The following PTPRG variants were observed in gnomAD, a reference collection of about 807,000 sequenced individuals.
PTPRG encodes the protein protein tyrosine phosphatase receptor type G, also known as receptor-type tyrosine-protein phosphatase gamma.
PTPRG carries 102 observed loss-of-function variants against 165.3 expected under a neutral mutation model. That is an observed-to-expected ratio of 0.62 (90% CI 0.53 to 0.73). The LOEUF is 0.73. Ranked by LOEUF, PTPRG falls within the 30% of genes least tolerant of loss-of-function variation. PTPRG has a pLI of 0.00. For synonymous variants in PTPRG, 675 were observed against 669.5 expected, an observed-to-expected ratio of 1.01 and a Z score of -0.13; for missense variants, 1,866 against 1,861.4, an observed-to-expected ratio of 1.00 and a Z score of -0.05.
chr3:62,163,791 G>A (rs544143322), intron 7 of PTPRG, among the ~76,000 whole-genome samples: 7 of 152,198 alleles, frequency 4.6e-5, no homozygotes, highest in Non-Finnish European at 7.3e-5. Flanking sequence ...ACAGGAAATA[G>A]GTAATGCTGT....
At chr3:61,922,841 A>G (rs892032000) in intron 2 of PTPRG, among the ~76,000 whole-genome samples, 1 of 152,180 alleles carries the variant, frequency 6.6e-6, no homozygotes, top group Non-Finnish European at 1.5e-5. Flanking sequence ...GAGTTTAGCC[A>G]TGTTGCCGAG....
At chr3:61,772,188 A>T (rs2034231294) in intron 2 of PTPRG, among the ~76,000 whole-genome samples, 2 of 151,846 alleles carry the variant, frequency 1.3e-5, no homozygotes, top group African/African-American at 4.8e-5. Flanking sequence ...CTGGGAAATT[A>T]TACAGTTGAG....
At chr3:62,164,819 C>T (rs535564974) in intron 7 of PTPRG, among the ~76,000 whole-genome samples, 1 of 152,310 alleles carries the variant, frequency 6.6e-6, no homozygotes, top group African/African-American at 2.4e-5. Flanking sequence ...TTAATGCTGG[C>T]TCTGAAAGAA....
chr3:62,138,822 TAAG>T (rs1202800154), intron 6 of PTPRG, among the ~76,000 whole-genome samples: 1 of 152,220 alleles, frequency 6.6e-6, no homozygotes, highest in African/African-American at 2.4e-5. Context: ...CTGTGTCAGT[TAAG>T]AGGTGTGTGT....
At chr3:61,971,568 G>A (rs886579359) in intron 2 of PTPRG, among the ~76,000 whole-genome samples, 3 of 152,188 alleles carry the variant, frequency 2.0e-5, no homozygotes, top group Non-Finnish European at 4.4e-5. Flanking sequence ...GGAAATTAGA[G>A]GTTGATGAGT....
intron 1 of PTPRG, among the ~76,000 whole-genome samples, chr3:61,724,568 T>C (rs2032181098): frequency 6.6e-6 from 1 of 152,088 alleles, no homozygotes; most frequent in Admixed American, 6.5e-5. Context: ...ACTGCCAGGC[T>C]CTTCCAGAGT....
At chr3:62,116,897 C>G (rs1702887339) in intron 5 of PTPRG, among the ~76,000 whole-genome samples, 1 of 152,196 alleles carries the variant, frequency 6.6e-6, no homozygotes, top group Non-Finnish European at 1.5e-5. Flanking sequence ...AGTCACCCAG[C>G]TTACAAGTGG....
Position 62,010,073 on chromosome 3 carries a change from G to A in PTPRG, c.519+6576G>A, listed in dbSNP as rs575930161. ...GCTGGGGCTACAACCACACACCACC[G>A]TGCCCAGCTAATGTTTTTTATTTTT... On this transcript the variant is annotated intron_variant, in intron 4 of 29. Coordinates refer to ENST00000474889, the MANE Select transcript of PTPRG (RefSeq NM_002841.4). Among the ~76,000 whole-genome samples, 645 of 152,010 alleles carry A rather than the reference G, an allele frequency of 4.2e-3. 2 individuals are homozygous for A. Among genetic ancestry groups the A allele is most frequent in the Middle Eastern group, 0.031 (9 of 294 alleles).
chr3:62,147,891 C>A (rs755280175), intron 6 of PTPRG, among the ~76,000 whole-genome samples: 15 of 152,130 alleles, frequency 9.9e-5, no homozygotes, highest in Non-Finnish European at 1.8e-4. Flanking sequence ...CGTGGTGGCT[C>A]ACGCCTGTAA....
chr3:61,940,706 C>G (rs935113673), intron 2 of PTPRG, among the ~76,000 whole-genome samples: 1 of 150,616 alleles, frequency 6.6e-6, no homozygotes, highest in Non-Finnish European at 1.5e-5. Context: ...CTCTGTTGGC[C>G]AGGCTGGAGT....
chr3:61,628,843 A>G (rs1291964655), intron 1 of PTPRG, among the ~76,000 whole-genome samples: 1 of 152,184 alleles, frequency 6.6e-6, no homozygotes, highest in African/African-American at 2.4e-5. Context: ...TTTGCAAGGA[A>G]GGAAAGGAAA....
chr3:61,888,199 TTGTGTGTG>T (rs58409759), intron 2 of PTPRG, among the ~76,000 whole-genome samples: 15 of 150,146 alleles, frequency 1.0e-4, no homozygotes, highest in South Asian at 2.1e-4. Context: ...TTTTAAATCT[TTGTGTGTG>T]TGTGTGTGTG....
chr3:62,285,879 A>G (rs1225407422), intron 28 of PTPRG, among the ~76,000 whole-genome samples: 1 of 151,914 alleles, frequency 6.6e-6, no homozygotes, highest in Admixed American at 6.6e-5. Flanking sequence ...TTAATTACTC[A>G]CTCTGGAGAT....
chr3:61,665,640 CTAGTGAGACCT>C (rs543746629), intron 1 of PTPRG, among the ~76,000 whole-genome samples: 1 of 152,026 alleles, frequency 6.6e-6, no homozygotes, highest in East Asian at 1.9e-4. Context: ...GCTAGGCAAC[CTAGTGAGACCT>C]TATCTGTATT....
At chr3:61,912,411 T>A (rs1489817696) in intron 2 of PTPRG, among the ~76,000 whole-genome samples, 1 of 152,202 alleles carries the variant, frequency 6.6e-6, no homozygotes, top group Non-Finnish European at 1.5e-5. Flanking sequence ...GGATTTGCAT[T>A]CTGTAGTGTC....
intron 1 of PTPRG, among the ~76,000 whole-genome samples, chr3:61,570,558 G>C (rs756195767): frequency 6.6e-6 from 1 of 152,154 alleles, no homozygotes; most frequent in Non-Finnish European, 1.5e-5. Flanking sequence ...ATTCATACTA[G>C]TTACAATATA....
chr3:62,147,925 C>T (rs1704182430), intron 6 of PTPRG, among the ~76,000 whole-genome samples: 1 of 151,892 alleles, frequency 6.6e-6, no homozygotes. Flanking sequence ...GGAGGCTGAG[C>T]CAGGCGGCAG....
At position 62,012,582 on chromosome 3, in the gene PTPRG, C is replaced by G. The variant is rs185530784; in HGVS notation, c.519+9085C>G. ...TTTCATATGCCCCTTAAATACGTAG[C>G]CTGAAGGTAATTTTTTATAAGTTTT... On this transcript the variant is annotated intron_variant, in intron 4 of 29. Coordinates refer to ENST00000474889, the MANE Select transcript of PTPRG (RefSeq NM_002841.4). 1.2e-3 allele frequency among the ~76,000 whole-genome samples: 177 copies of G among 152,084 alleles called. 1 individual carries two copies. Among genetic ancestry groups the G allele is most frequent in the African/African-American group, 4.0e-3 (167 of 41,480 alleles).
At chr3:61,806,224 T>G (rs2035412797) in intron 2 of PTPRG, among the ~76,000 whole-genome samples, 2 of 152,086 alleles carry the variant, frequency 1.3e-5, no homozygotes, top group South Asian at 4.1e-4. Flanking sequence ...AGAGGGAGAA[T>G]CCAATTATAG....
Sources: gnomAD v4.1 joint callset for allele counts (sites outside exome capture counted in the v4.1 genomes callset) on GRCh38, gnomAD v4.1.1 for gene constraint, MANE v1.5 for transcripts, NCBI Gene and HGNC (gene_info 2026-07-23, HGNC 2026-07-21) for gene names.